The following NRXN3 variants were observed in gnomAD, a reference collection of about 807,000 sequenced individuals.
NRXN3 encodes neurexin 3.
In NRXN3, 32 loss-of-function variants were observed where a neutral mutation model predicts 137.6. The observed-to-expected ratio is 0.23, with a 90% confidence interval of 0.18 to 0.31. The LOEUF (loss-of-function observed/expected upper bound fraction) is 0.31. Among genes scored for constraint, NRXN3 ranks in the 10% least tolerant of loss-of-function variants. The pLI, the probability that NRXN3 is intolerant of heterozygous loss-of-function variation, is 1.00. For synonymous variants in NRXN3, 798 were observed against 784.5 expected (o/e 1.02, Z -0.29); for missense variants, 1,574 against 2,062.5 (o/e 0.76, Z 4.59).
intron 2 of NRXN3, among the ~76,000 whole-genome samples, chr14:78,265,793 G>A (rs1273135244): frequency 2.0e-5 from 3 of 152,184 alleles, no homozygotes; most frequent in African/African-American, 4.8e-5. Flanking sequence ...TTGGATCTGT[G>A]TTTCCTCTTC....
chr14:78,726,045 C>T (rs1223544555), intron 8 of NRXN3, among the ~76,000 whole-genome samples: 3 of 152,078 alleles, frequency 2.0e-5, no homozygotes, highest in South Asian at 2.1e-4. Context: ...CTTCTGTGAT[C>T]GATATACTTT....
chr14:79,020,050 C>A (rs1255029412), intron 15 of NRXN3, among the ~76,000 whole-genome samples: 1 of 151,938 alleles, frequency 6.6e-6, no homozygotes, highest in African/African-American at 2.4e-5. Flanking sequence ...AGTGATACCA[C>A]CACATGCAGG....
At chr14:79,062,973 A>G (rs1176363176) in intron 15 of NRXN3, among the ~76,000 whole-genome samples, 1 of 152,116 alleles carries the variant, frequency 6.6e-6, no homozygotes, top group Non-Finnish European at 1.5e-5. Context: ...TTTGTATAGT[A>G]TGTATTTTGA....
intron 15 of NRXN3, among the ~76,000 whole-genome samples, chr14:79,413,287 G>A (rs1183379210): frequency 6.6e-6 from 1 of 152,174 alleles, no homozygotes; most frequent in Admixed American, 6.5e-5. Context: ...GTTGTTGGAT[G>A]ATAATGCTTA....
chr14:79,017,065 A>G (rs2099580474), intron 15 of NRXN3, among the ~76,000 whole-genome samples: 2 of 152,226 alleles, frequency 1.3e-5, no homozygotes, highest in Admixed American at 1.3e-4. Flanking sequence ...AATGAATGAA[A>G]TGCAAAGCAA....
intron 8 of NRXN3, among the ~76,000 whole-genome samples, chr14:78,789,664 C>T (rs1039271394): frequency 1.7e-4 from 26 of 152,126 alleles, no homozygotes; most frequent in Admixed American, 8.5e-4. Context: ...CCTTTGCACC[C>T]GCCTAATAAC....
intron 8 of NRXN3, among the ~76,000 whole-genome samples, chr14:78,720,337 A>G (rs1343977562): frequency 1.3e-5 from 2 of 152,156 alleles, no homozygotes; most frequent in African/African-American, 4.8e-5. Context: ...TACTTAATAC[A>G]TAGCTACTTA....
At chr14:79,694,329 G>A (rs906389149) in intron 18 of NRXN3, among the ~76,000 whole-genome samples, 4 of 151,924 alleles carry the variant, frequency 2.6e-5, no homozygotes, top group Non-Finnish European at 5.9e-5. Context: ...CTGGAGACAT[G>A]CAAAGATTTA....
At chr14:79,617,930 A>AAAAAAAAAAAAAAAAAAAAG (rs1385000688) in intron 16 of NRXN3, among the ~76,000 whole-genome samples, 6 of 148,728 alleles carry the variant, frequency 4.0e-5, no homozygotes, top group African/African-American at 1.3e-4. Flanking sequence ...AAAAAAAAAA[A>AAAAAAAAAAAAAAAAAAAAG]AACATGCTTA....
At chr14:79,758,058 T>G (rs896389724) in intron 19 of NRXN3, among the ~76,000 whole-genome samples, 2 of 152,184 alleles carry the variant, frequency 1.3e-5, no homozygotes, top group African/African-American at 4.8e-5. Context: ...AGTTTTTTTG[T>G]TTATTTTTGT....
chr14:79,606,529 G>A (rs530409134), intron 16 of NRXN3, among the ~76,000 whole-genome samples: 1 of 152,146 alleles, frequency 6.6e-6, no homozygotes, highest in African/African-American at 2.4e-5. Flanking sequence ...TTTCAACCAG[G>A]ATGGACCATC....
intron 15 of NRXN3, among the ~76,000 whole-genome samples, chr14:79,025,071 A>G (rs2099595825): frequency 6.6e-6 from 1 of 152,058 alleles, no homozygotes; most frequent in South Asian, 2.1e-4. Flanking sequence ...AAAACATTCA[A>G]CCATTCTCTT....
chr14:78,429,986 C>A (rs948091810), intron 4 of NRXN3, among the ~76,000 whole-genome samples: 7 of 152,204 alleles, frequency 4.6e-5, no homozygotes, highest in Non-Finnish European at 7.3e-5. Flanking sequence ...GTAATCCCAG[C>A]ACTTTGGGAG....
rs74862392 is a variant in NRXN3, at chr14:78,758,804, G to C, written c.2044+43665G>C. On this transcript the variant is annotated intron_variant, in intron 8 of 20. Coordinates refer to ENST00000335750, the MANE Select transcript of NRXN3 (RefSeq NM_001330195.2). ...TTTATTTCAACATACTTAGCATAAA[G>C]CCTAGAGTGGTGGGATGCAATATCT... 3.5e-3 allele frequency among the ~76,000 whole-genome samples: 540 copies of C among 152,290 alleles called. 16 individuals are homozygous for C. In the East Asian group the frequency reaches 0.06, roughly 17 times the overall value.
chr14:79,619,378 G>A (rs1010693751), intron 16 of NRXN3, among the ~76,000 whole-genome samples: 1 of 151,980 alleles, frequency 6.6e-6, no homozygotes, highest in Non-Finnish European at 1.5e-5. Flanking sequence ...AATAATATTT[G>A]TATATGGTGA....
intron 8 of NRXN3, among the ~76,000 whole-genome samples, chr14:78,731,947 A>G (rs2098517860): frequency 4.6e-5 from 1 of 21,546 alleles, no homozygotes; most frequent in Admixed American, 5.1e-4. Flanking sequence ...GCTGTGAACA[A>G]GCCACCCCAC....
chr14:78,878,206 T>C (rs1466623430), intron 10 of NRXN3, among the ~76,000 whole-genome samples: 1 of 152,162 alleles, frequency 6.6e-6, no homozygotes, highest in African/African-American at 2.4e-5. Context: ...TACTCAGTTA[T>C]AAATAAATAT....
intron 15 of NRXN3, among the ~76,000 whole-genome samples, chr14:79,008,808 A>G (rs2099562795): frequency 6.6e-6 from 1 of 151,568 alleles, no homozygotes; most frequent in African/African-American, 2.4e-5. Context: ...ATAGGCGCCC[A>G]CCACCACACC....
intron 1 of NRXN3, among the ~76,000 whole-genome samples, chr14:78,230,977 A>G (rs1438190453): frequency 1.3e-5 from 2 of 152,232 alleles, no homozygotes; most frequent in Admixed American, 1.3e-4. Flanking sequence ...AGAACCGTAT[A>G]TAGTCCAAGA....
Sources: allele counts gnomAD v4.1 joint callset (sites outside exome capture counted in the v4.1 genomes callset), GRCh38; gene constraint gnomAD v4.1.1; transcripts MANE v1.5; gene names NCBI Gene and HGNC (gene_info 2026-07-23, HGNC 2026-07-21).